The following DNAH14 variants were observed in gnomAD, a reference collection of about 807,000 sequenced individuals.
DNAH14 encodes the protein dynein axonemal heavy chain 14, also known as axonemal beta dynein heavy chain 14.
A neutral mutation model predicts 520.9 loss-of-function variants in DNAH14; 478 were observed. The observed-to-expected ratio is 0.92, with a 90% CI of 0.85 to 0.99. DNAH14 has a LOEUF of 0.99. DNAH14 is among the 50% of genes least tolerant of loss of function. The probability of loss-of-function intolerance (pLI) is 0.00; values close to 1 mark genes in which losing one functional copy is unlikely to be tolerated. For synonymous variants in DNAH14, 1,581 were observed against 1,757.2 expected (o/e 0.90, Z 2.51); for missense variants, 4,831 against 5,234.5 (o/e 0.92, Z 2.38).
intron 23 of DNAH14, among the ~76,000 whole-genome samples, chr1:225,115,597 C>T (rs1397209884): frequency 6.6e-6 from 1 of 152,138 alleles, no homozygotes; most frequent in Non-Finnish European, 1.5e-5. Flanking sequence ...ACAAAATTAT[C>T]TGCCCATATA....
At chr1:225,167,415 T>A (rs1237725048) in intron 35 of DNAH14, among the ~76,000 whole-genome samples, 1 of 152,260 alleles carries the variant, frequency 6.6e-6, no homozygotes, top group Non-Finnish European at 1.5e-5. Flanking sequence ...ATATTAAGTA[T>A]CTTTCCAAGC....
At chr1:225,079,666 A>ATTT in intron 18 of DNAH14, 118 bp downstream of exon 18, 1 of 552,730 alleles carries the variant, frequency 1.8e-6, no homozygotes, top group Non-Finnish European at 2.9e-6. Context: ...GTTTAATACA[A>ATTT]GTATTCTTTT....
At chr1:225,213,133 C>A (rs968285589) in intron 41 of DNAH14, among the ~76,000 whole-genome samples, 3 of 152,134 alleles carry the variant, frequency 2.0e-5, no homozygotes, top group African/African-American at 7.2e-5. Flanking sequence ...ATATGGCTAG[C>A]GAGTTTTCCC....
chr1:225,092,344 G>A (rs1033779187), intron 21 of DNAH14, among the ~76,000 whole-genome samples: 2 of 152,042 alleles, frequency 1.3e-5, no homozygotes, highest in African/African-American at 4.8e-5. Context: ...TCAGTCCACA[G>A]TGCAATAAAA....
chr1:224,937,862 A>G (rs897923960), intron 1 of DNAH14, among the ~76,000 whole-genome samples: 2 of 152,178 alleles, frequency 1.3e-5, no homozygotes, highest in Non-Finnish European at 2.9e-5. Flanking sequence ...CCATAGACCA[A>G]TGGAACAGAA....
chr1:225,046,884 G>A (rs984069785), intron 15 of DNAH14, among the ~76,000 whole-genome samples: 18 of 152,090 alleles, frequency 1.2e-4, no homozygotes, highest in Non-Finnish European at 2.5e-4. Context: ...GTTGGCTCCT[G>A]TGCCCTTCAA....
intron 43 of DNAH14, among the ~76,000 whole-genome samples, chr1:225,247,818 A>G (rs1233296025): frequency 6.6e-6 from 1 of 152,066 alleles, no homozygotes; most frequent in Non-Finnish European, 1.5e-5. Context: ...CGAAGTCAGG[A>G]GACCTCCTGG....
intron 42 of DNAH14, among the ~76,000 whole-genome samples, chr1:225,236,056 T>C (rs1043807592): frequency 1.3e-5 from 2 of 152,192 alleles, no homozygotes; most frequent in African/African-American, 4.8e-5. Context: ...TGATCTTGGT[T>C]ATTTCTTTTC....
In DNAH14 at chr1:225,399,286, A is replaced by G. The variant is rs377610536; in HGVS notation, c.*17A>G. On this transcript the variant is annotated 3_prime_UTR_variant, in exon 86 of 86. Coordinates refer to ENST00000682510, the MANE Select transcript of DNAH14 (RefSeq NM_001367479.1). ...GAAAAATAAATGTCCATATCAAACC[A>G]TTTTAATTTTTGACTCTAATCAGAC... is the stretch of plus-strand genomic sequence containing the variant. 2.6e-6 allele frequency: 4 copies of G among 1,533,094 alleles called. No individual in the cohort carries two copies. In the African/African-American group the frequency reaches 5.5e-5, roughly 21 times the overall value. The allele number at this position is 1,533,094 out of a possible 1,614,324, so 95.0% of individuals were successfully genotyped here.
At chr1:225,008,575 CTTTTTTTTT>C (rs57331050) in intron 10 of DNAH14, among the ~76,000 whole-genome samples, 7 of 98,316 alleles carry the variant, frequency 7.1e-5, no homozygotes, top group Non-Finnish European at 9.2e-5. Flanking sequence ...TTTTTCCTGA[CTTTTTTTTT>C]TTTTTTTTTT....
chr1:225,276,747 G>T lies in DNAH14; in HGVS notation c.8179-663G>T, dbSNP rs1023018833. Reference sequence around the variant, plus strand: ...ACCCTATCTCCACACACACACACATGCACACACACAAAAATTTAATTAATC... The same window carrying T: ...ACCCTATCTCCACACACACACACATTCACACACACAAAAATTTAATTAATC... On this transcript the variant is annotated intron_variant, in intron 53 of 85. Coordinates refer to ENST00000682510, the MANE Select transcript of DNAH14 (RefSeq NM_001367479.1). Among the ~76,000 whole-genome samples, 13 of 150,034 alleles carry T rather than the reference G, an allele frequency of 8.7e-5. No individual in the cohort carries two copies. The East Asian group carries it at 2.4e-3, about 28-fold the overall frequency.
chr1:225,110,810 C>T (rs1246949718), intron 23 of DNAH14, among the ~76,000 whole-genome samples: 1 of 151,822 alleles, frequency 6.6e-6, no homozygotes, highest in African/African-American at 2.4e-5. Flanking sequence ...TGGTATATCC[C>T]ATAAGTTTTG....
chr1:225,059,641 G>A (rs1448891823), intron 17 of DNAH14, among the ~76,000 whole-genome samples: 1 of 152,164 alleles, frequency 6.6e-6, no homozygotes, highest in East Asian at 1.9e-4. Context: ...TTACAATTTG[G>A]CATGTTTTTG....
chr1:225,022,427 T>C (rs923287280), intron 10 of DNAH14, among the ~76,000 whole-genome samples: 1 of 151,742 alleles, frequency 6.6e-6, no homozygotes, highest in African/African-American at 2.4e-5. Context: ...ATAACTCCAC[T>C]AAAAAATGGG....
chr1:225,293,972 T>C (rs2093951042), intron 55 of DNAH14, among the ~76,000 whole-genome samples: 1 of 152,176 alleles, frequency 6.6e-6, no homozygotes, highest in Non-Finnish European at 1.5e-5. Flanking sequence ...TTTCCAATGC[T>C]ATGTTGAATA....
rs1276713962 is a variant in DNAH14 at position 225,381,568 on chromosome 1, A to G, written c.13066A>G (p.Thr4356Ala). 1 of 1,512,886 alleles carries G rather than the reference A, an allele frequency of 6.6e-7. No individual in the cohort carries two copies. The highest frequency in any genetic ancestry group is 2.5e-5 in the Admixed American group (1 of 39,752). The allele number at this position is 1,512,886 out of a possible 1,614,324, so 93.7% of individuals were successfully genotyped here. The change falls in exon 81 of 86, where the codon ACA becomes GCA. Residue 4356 changes from threonine (T) to alanine (A), a missense_variant. Transcript: ENST00000682510. ...CTCTTTTCTTAATATGAGAGTGCCT[A>G]CATTGTGGCAGGTAAGCAATTATTA... ...FNSFLNMRVP[T>A]LWQKHAYRSC...
chr1:225,341,491 AC>A (rs946190985), intron 69 of DNAH14, among the ~76,000 whole-genome samples: 15 of 151,950 alleles, frequency 9.9e-5, no homozygotes, highest in African/African-American at 3.4e-4. Context: ...ACATGGAGAA[AC>A]CCCGTCTCTA....
At chr1:225,294,117 A>G (rs991720398) in intron 55 of DNAH14, among the ~76,000 whole-genome samples, 2 of 152,142 alleles carry the variant, frequency 1.3e-5, no homozygotes, top group Non-Finnish European at 2.9e-5. Context: ...CTTTCCTTCA[A>G]TAGCTAATTT....
chr1:225,363,157 A>G (rs899805093), intron 75 of DNAH14, among the ~76,000 whole-genome samples: 3 of 151,978 alleles, frequency 2.0e-5, no homozygotes, highest in East Asian at 3.9e-4. Context: ...TTACCCTATC[A>G]TTTCTCTCAT....
Sources: gnomAD v4.1 joint callset for allele counts (sites outside exome capture counted in the v4.1 genomes callset) on GRCh38, gnomAD v4.1.1 for gene constraint, MANE v1.5 for transcripts, NCBI Gene and HGNC (gene_info 2026-07-23, HGNC 2026-07-21) for gene names.